Variants in INTU observed in about 807,000 individuals in gnomAD.
INTU encodes inturned planar cell polarity protein.
Under a neutral mutation model 100.5 loss-of-function variants are expected in INTU, and 68 were observed. The observed-to-expected ratio is 0.68, with a 90% CI of 0.56 to 0.83. The LOEUF (loss-of-function observed/expected upper bound fraction) is 0.83. Ranked by LOEUF, INTU falls within the 40% of genes least tolerant of loss-of-function variation. INTU has a pLI of 0.00. For missense variants in INTU, 1,071 were observed against 1,114.7 expected (o/e 0.96, Z 0.56); for synonymous variants, 357 against 395.7 (o/e 0.90, Z 1.16).
intron 10 of INTU, 116 bp downstream of exon 10, chr4:127,704,406 A>T: frequency 1.3e-6 from 1 of 798,210 alleles, no homozygotes. Flanking sequence ...TGTAGGTACC[A>T]TAAGATTAAG....
chr4:127,683,892 TG>T (rs1289946724), intron 6 of INTU: 1 of 152,238 alleles, frequency 6.6e-6, no homozygotes, highest in Non-Finnish European at 1.5e-5. Context: ...AAGGCTTCAA[TG>T]AGAAAATGTA....
At chr4:127,641,458 T>C (rs781536529) in intron 1 of INTU, among the ~76,000 whole-genome samples, 4 of 152,138 alleles carry the variant, frequency 2.6e-5, no homozygotes, top group Non-Finnish European at 5.9e-5. Context: ...CTGTTACTCC[T>C]GTTTGAAATC....
At chr4:127,676,031 A>G (rs1729159726) in intron 6 of INTU, 2 of 189,758 alleles carry the variant, frequency 1.1e-5, no homozygotes, top group South Asian at 1.6e-4. Context: ...AAAGATGGCT[A>G]CAGTGAAAAA....
In INTU at chr4:127,663,540, A is replaced by C. The variant is rs371286000; in HGVS notation, c.928A>C (p.Met310Leu). The change falls in exon 4 of 16, where the codon ATG (methionine) becomes CTG (leucine). Residue 310 changes from methionine to leucine, a missense_variant. Transcript: ENST00000335251. ...TGGCCTAAACACTCCTCATATCATT[A>C]TGTATCTCACACTACAGCTCGACTC... ...QSGLNTPHII[M>L]YLTLQLDSET... 2 of 1,613,312 alleles carry C rather than the reference A, an allele frequency of 1.2e-6. No homozygotes were observed. Among genetic ancestry groups the C allele is most frequent in the Non-Finnish European group, 1.7e-6 (2 of 1,179,542 alleles).
intron 1 of INTU, among the ~76,000 whole-genome samples, chr4:127,640,568 T>C (rs1218317642): frequency 2.8e-5 from 2 of 71,808 alleles, no homozygotes; most frequent in African/African-American, 1.2e-4. Context: ...TATATATATA[T>C]ATATATATAT....
At chr4:127,676,446 C>A (rs1213647717) in intron 6 of INTU, among the ~76,000 whole-genome samples, 1 of 152,030 alleles carries the variant, frequency 6.6e-6, no homozygotes, top group Non-Finnish European at 1.5e-5. Flanking sequence ...ATTAGCCAGG[C>A]ACAGTGGCAT....
At position 127,706,641 on chromosome 4, in the gene INTU, C is replaced by T. The variant is rs150176662; in HGVS notation, c.1943C>T (p.Ser648Phe). ...TCTCGCATAGATGAACGGCTAGCAT[C>T]TTCTCCAGTCCCCTGTTTGTCTTGT... ...VDSRIDERLASSPVPCLSCAD... is the reference protein window; with the variant it reads ...VDSRIDERLAFSPVPCLSCAD... The change falls in exon 12 of 16, where the codon TCT becomes TTT. Residue 648 changes from serine to phenylalanine, a missense_variant. Coordinates refer to ENST00000335251, the MANE Select transcript of INTU (RefSeq NM_015693.4). 5 of 1,613,998 alleles carry T rather than the reference C, an allele frequency of 3.1e-6. No individual in the cohort carries two copies. The highest frequency in any genetic ancestry group is 3.4e-6 in the Non-Finnish European group (4 of 1,179,982).
chr4:127,720,357 A>G lies in INTU; in HGVS notation c.*3921A>G, dbSNP rs1427647235. The G allele has an allele frequency of 6.6e-6, 1 of 152,134 alleles. No homozygotes were observed. The highest frequency in any genetic ancestry group is 1.5e-5 in the Non-Finnish European group (1 of 68,026). 9.4% of individuals were successfully genotyped at this position (152,134 alleles called of 1,614,324 possible). A position where few individuals can be genotyped will look rare whatever the true frequency, so the allele number is the denominator to read the frequency against. On this transcript the variant is annotated 3_prime_UTR_variant, in exon 16 of 16. Coordinates refer to ENST00000335251, the MANE Select transcript of INTU (RefSeq NM_015693.4). ...GTGATCTGAGAGACTGTTTGTTATT[A>G]CTTCAGTTCTTTAGCATTTGCTGAG...
intron 3 of INTU, among the ~76,000 whole-genome samples, chr4:127,657,234 T>C (rs1236306810): frequency 1.3e-5 from 2 of 152,218 alleles, no homozygotes; most frequent in Non-Finnish European, 2.9e-5. Flanking sequence ...TCCTTGTAGA[T>C]AGAAATAAAT....
At chr4:127,714,332 C>G (rs994243124) in intron 15 of INTU, among the ~76,000 whole-genome samples, 3 of 151,694 alleles carry the variant, frequency 2.0e-5, no homozygotes, top group Non-Finnish European at 4.4e-5. Flanking sequence ...TCCAGTTTTT[C>G]TCTTCTTCCC....
intron 4 of INTU, among the ~76,000 whole-genome samples, chr4:127,668,295 G>A (rs892105686): frequency 4.0e-5 from 6 of 151,648 alleles, no homozygotes; most frequent in African/African-American, 4.8e-5. Context: ...TCTGTTTCCC[G>A]GGACATGCTC....
rs1320226951 is a variant in INTU at position 127,718,873 on chromosome 4, G to A, written c.*2437G>A. The A allele has an allele frequency of 6.6e-6, 1 of 152,220 alleles. No homozygotes were observed. The highest frequency in any genetic ancestry group is 1.5e-5 in the Non-Finnish European group (1 of 68,062). 9.4% of individuals were successfully genotyped at this position (152,220 alleles called of 1,614,324 possible). A position where few individuals can be genotyped will look rare whatever the true frequency, so the allele number is the denominator to read the frequency against. On this transcript the variant is annotated 3_prime_UTR_variant, in exon 16 of 16. Coordinates refer to ENST00000335251, the MANE Select transcript of INTU (RefSeq NM_015693.4). Reference sequence around the variant, plus strand: ...TTGCTGAAGTTGCTTATCAGCTTAAGAAGCTTTTGGGCTGAGACAATGGGG... The same window carrying A: ...TTGCTGAAGTTGCTTATCAGCTTAAAAAGCTTTTGGGCTGAGACAATGGGG...
In INTU at chr4:127,687,681, CT is replaced by C; in HGVS notation, c.1267del (p.Cys423AlafsTer45). On this transcript the variant is annotated frameshift_variant, in exon 8 of 16. Transcript: ENST00000335251. LOFTEE classifies it high-confidence loss of function. ...KFMYGSLDSA[F>X]CQIENVPRLD... ...CTTACAGCTCTTATTTCTCCAGTGC[CT>C]TTTGCCAGATTGAGAATGTTCCTCG... The C allele has an allele frequency of 2.5e-6, 4 of 1,607,630 alleles. No homozygotes were observed. The highest frequency in any genetic ancestry group is 1.7e-4 in the Middle Eastern group (1 of 6,042).
intron 9 of INTU, among the ~76,000 whole-genome samples, chr4:127,703,856 A>G (rs1385513039): frequency 6.6e-6 from 1 of 152,118 alleles, no homozygotes; most frequent in Non-Finnish European, 1.5e-5. Flanking sequence ...GTTGCTTGCA[A>G]ATAGGTTGCA....
Position 127,705,749 on chromosome 4 carries a change from A to G in INTU, c.1725A>G (p.Ala575=). The G allele has an allele frequency of 1.2e-6, 2 of 1,614,132 alleles. No individual in the cohort carries two copies. Among genetic ancestry groups the G allele is most frequent in the East Asian group, 4.5e-5 (2 of 44,884 alleles). ...VFPQHHLRPL[A]DSSTEVFPEP... ...CTCAGCATCACCTCCGACCTTTGGC[A>G]GACTCAAGCACTGAAGTCTTTCCGG... Residue 575 remains alanine, a synonymous_variant, in exon 11 of 16, where the codon GCA becomes GCG. Transcript: ENST00000335251.
intron 13 of INTU, 42 bp from the exon 14 acceptor site, chr4:127,710,871 A>G (rs970837068): frequency 2.3e-6 from 3 of 1,301,386 alleles, no homozygotes; most frequent in Non-Finnish European, 3.1e-6. Context: ...AAAATTTACT[A>G]AAATTTCTTT....
At chr4:127,681,484 G>C (rs982516595) in intron 6 of INTU, among the ~76,000 whole-genome samples, 13 of 152,074 alleles carry the variant, frequency 8.5e-5, no homozygotes, top group African/African-American at 1.4e-4. Flanking sequence ...ACAAACCTGA[G>C]AAAAACAAGC....
intron 14 of INTU, 26 bp from the exon 15 acceptor site, chr4:127,713,910 T>C: frequency 6.6e-7 from 1 of 1,526,472 alleles, no homozygotes; most frequent in East Asian, 2.3e-5. Context: ...TACCAGTTAA[T>C]ACTAACAATA....
chr4:127,679,985 A>T (rs1230399668), intron 6 of INTU, among the ~76,000 whole-genome samples: 8 of 152,242 alleles, frequency 5.3e-5, no homozygotes, highest in Admixed American at 1.3e-4. Context: ...CCTCTATGCA[A>T]ATAAACTAGA....
Sources: gnomAD v4.1 joint callset for allele counts (sites outside exome capture counted in the v4.1 genomes callset) on GRCh38, gnomAD v4.1.1 for gene constraint, MANE v1.5 for transcripts, NCBI Gene and HGNC (gene_info 2026-07-23, HGNC 2026-07-21) for gene names.